The following WDPCP variants were observed in gnomAD, a reference collection of about 807,000 sequenced individuals.
The protein encoded by WDPCP is WD repeat containing planar cell polarity effector, also known as WD repeat-containing and planar cell polarity effector protein fritz homolog.
A neutral mutation model predicts 93.1 loss-of-function variants in WDPCP; 71 were observed. That is an observed-to-expected ratio of 0.76 (90% CI 0.63 to 0.93). The LOEUF (loss-of-function observed/expected upper bound fraction) is 0.93, where lower values mean the gene tolerates loss of function less well. Ranked by LOEUF, WDPCP falls within the 40% of genes least tolerant of loss-of-function variation. The pLI, the probability that WDPCP is intolerant of heterozygous loss-of-function variation, is 0.00. For synonymous variants in WDPCP, 315 were observed against 315.0 expected (o/e 1.00, Z 0.00); for missense variants, 844 against 887.4 (o/e 0.95, Z 0.62).
At chr2:63,686,401 G>T (rs1668804724) in intron 2 of WDPCP, among the ~76,000 whole-genome samples, 1 of 152,070 alleles carries the variant, frequency 6.6e-6, no homozygotes, top group Non-Finnish European at 1.5e-5. Flanking sequence ...AAAGATCTCT[G>T]CAATGAACGC....
intron 9 of WDPCP, among the ~76,000 whole-genome samples, chr2:63,416,335 G>A (rs1255618970): frequency 1.3e-5 from 2 of 151,766 alleles, no homozygotes; most frequent in South Asian, 2.1e-4. Flanking sequence ...GAGTAGCTGC[G>A]ATTACAGGTG....
At chr2:63,589,220 G>T, upstream of WDPCP, 1 of 1,570,742 alleles carries the variant, frequency 6.4e-7, no homozygotes, top group Non-Finnish European at 8.6e-7. Context: ...AATGGGAAGG[G>T]ATTGATTTCC....
At chr2:63,138,413 C>T (rs566124512) in intron 17 of WDPCP, among the ~76,000 whole-genome samples, 9 of 150,614 alleles carry the variant, frequency 6.0e-5, no homozygotes, top group South Asian at 2.1e-4. Flanking sequence ...TTTTTCCATA[C>T]GTTATTGGGT....
chr2:63,786,064 G>A (rs560699348), intron 2 of WDPCP, among the ~76,000 whole-genome samples: 6 of 152,152 alleles, frequency 3.9e-5, no homozygotes, highest in African/African-American at 1.4e-4. Flanking sequence ...TTCTGAGACA[G>A]GGTCTCTCTC....
At chr2:63,279,742 G>A (rs982787920) in intron 13 of WDPCP, among the ~76,000 whole-genome samples, 3 of 152,116 alleles carry the variant, frequency 2.0e-5, no homozygotes, top group African/African-American at 7.2e-5. Flanking sequence ...CCTAGAACTG[G>A]TAAATGAATT....
chr2:63,701,370 G>A (rs1669047150), intron 2 of WDPCP, among the ~76,000 whole-genome samples: 1 of 152,204 alleles, frequency 6.6e-6, no homozygotes. Context: ...ACAAGGATGT[G>A]AAGAAAGGAG....
chr2:63,802,352 A>G (rs1670710478), intron 2 of WDPCP, among the ~76,000 whole-genome samples: 1 of 144,238 alleles, frequency 6.9e-6, no homozygotes, highest in Admixed American at 7.2e-5. Flanking sequence ...CCCTATGGGA[A>G]GGAGGTCCCA....
intron 12 of WDPCP, among the ~76,000 whole-genome samples, chr2:63,320,801 CA>C (rs1687023858): frequency 6.6e-6 from 1 of 151,086 alleles, no homozygotes; most frequent in African/African-American, 2.4e-5. Context: ...TTAGTACAAA[CA>C]AAAAACAAAA....
At chr2:63,251,350 A>G (rs1463676871) in intron 14 of WDPCP, among the ~76,000 whole-genome samples, 1 of 152,210 alleles carries the variant, frequency 6.6e-6, no homozygotes, top group Non-Finnish European at 1.5e-5. Flanking sequence ...CTGAATGCAC[A>G]TGAACTAGAA....
intron 3 of WDPCP, among the ~76,000 whole-genome samples, chr2:63,619,088 C>A (rs1709704696): frequency 6.6e-6 from 1 of 152,124 alleles, no homozygotes; most frequent in Non-Finnish European, 1.5e-5. Flanking sequence ...TAAACAGAAC[C>A]ACTATCAGGT....
chr2:63,455,335 T>C lies in WDPCP; in HGVS notation c.385-15464A>G, dbSNP rs371182807. ...AGATTAGATTCTCCACTTAAAAAGA[T>C]ATAGACTGTTTGAACAGATTTTTAA... On this transcript the variant is annotated intron_variant, in intron 6 of 17. Coordinates refer to ENST00000272321, the MANE Select transcript of WDPCP (RefSeq NM_015910.7). 3.5e-4 allele frequency among the ~76,000 whole-genome samples: 53 copies of C among 151,812 alleles called. 1 individual carries two copies. The highest frequency in any genetic ancestry group is 6.8e-3 in the Middle Eastern group (2 of 294).
intron 1 of WDPCP, among the ~76,000 whole-genome samples, chr2:63,528,937 G>A (rs1001293050): frequency 7.9e-5 from 12 of 152,156 alleles, no homozygotes; most frequent in Non-Finnish European, 1.5e-4. Context: ...CACATCCCTA[G>A]TAAGTTGGAT....
At chr2:63,720,798 G>A (rs995982553) in intron 2 of WDPCP, among the ~76,000 whole-genome samples, 1 of 152,140 alleles carries the variant, frequency 6.6e-6, no homozygotes, top group Non-Finnish European at 1.5e-5. Context: ...CAATACAGAG[G>A]AAAAATAAAA....
intron 1 of WDPCP, among the ~76,000 whole-genome samples, chr2:63,526,080 T>TAC (rs1553421438): frequency 6.6e-6 from 1 of 151,570 alleles, no homozygotes; most frequent in African/African-American, 2.4e-5. Flanking sequence ...TGTGTGTGTG[T>TAC]ACACACACAT....
At chr2:63,207,459 T>C (rs895058718) in intron 14 of WDPCP, among the ~76,000 whole-genome samples, 1 of 152,222 alleles carries the variant, frequency 6.6e-6, no homozygotes, top group Non-Finnish European at 1.5e-5. Context: ...TATGAGTCAA[T>C]TAAACCTCTT....
chr2:63,124,365 T>C (rs1157384855), intron 17 of WDPCP, among the ~76,000 whole-genome samples: 1 of 152,084 alleles, frequency 6.6e-6, no homozygotes, highest in African/African-American at 2.4e-5. Flanking sequence ...TTAATTCTTG[T>C]AGTAATTTTA....
intron 2 of WDPCP, among the ~76,000 whole-genome samples, chr2:63,706,434 C>T (rs1188322719): frequency 6.6e-5 from 10 of 151,934 alleles, no homozygotes; most frequent in Admixed American, 1.3e-4. Context: ...TGGCTGATAC[C>T]GGTTGTTCCT....
chr2:63,184,813 A>C (rs1674499797), intron 14 of WDPCP, among the ~76,000 whole-genome samples: 1 of 152,142 alleles, frequency 6.6e-6, no homozygotes. Flanking sequence ...TGATTTTCAA[A>C]ACTTTGTTTT....
intron 3 of WDPCP, among the ~76,000 whole-genome samples, chr2:63,608,576 G>A (rs1709579226): frequency 6.6e-6 from 1 of 151,972 alleles, no homozygotes; most frequent in Non-Finnish European, 1.5e-5. Context: ...TGGGAGGCCA[G>A]GGCAGGAGGA....
Sources: gnomAD v4.1 joint callset for allele counts (sites outside exome capture counted in the v4.1 genomes callset) on GRCh38, gnomAD v4.1.1 for gene constraint, MANE v1.5 for transcripts, NCBI Gene and HGNC (gene_info 2026-07-23, HGNC 2026-07-21) for gene names.